The following SLC4A4 variants were observed in gnomAD, a reference collection of about 807,000 sequenced individuals.
The protein encoded by SLC4A4 is solute carrier family 4 member 4.
Under a neutral mutation model 111.5 loss-of-function variants are expected in SLC4A4, and 27 were observed. The ratio of observed to expected loss-of-function variants is 0.24; its 90% confidence interval spans 0.18 to 0.33. The LOEUF (loss-of-function observed/expected upper bound fraction) is 0.33, where lower values mean the gene tolerates loss of function less well. SLC4A4 is among the 10% of genes least tolerant of loss of function. The probability of loss-of-function intolerance (pLI) is 1.00; values close to 1 mark genes in which losing one functional copy is unlikely to be tolerated. For missense variants in SLC4A4, 909 were observed against 1,315.5 expected, an observed-to-expected ratio of 0.69 and a Z score of 4.78; for synonymous variants, 443 against 463.4, an observed-to-expected ratio of 0.96 and a Z score of 0.57.
intron 16 of SLC4A4, among the ~76,000 whole-genome samples, chr4:71,499,592 C>T (rs1163807765): frequency 2.0e-5 from 3 of 152,228 alleles, no homozygotes; most frequent in East Asian, 1.9e-4. Context: ...TCCCATTCCC[C>T]GCCTCCAGTA....
chr4:71,391,379 G>T (rs1719243599), intron 6 of SLC4A4, among the ~76,000 whole-genome samples: 1 of 152,046 alleles, frequency 6.6e-6, no homozygotes, highest in Non-Finnish European at 1.5e-5. Context: ...ATGTGTCATT[G>T]TATTACATTA....
At chr4:71,268,377 A>T (rs1256462828) in intron 3 of SLC4A4, among the ~76,000 whole-genome samples, 1 of 152,198 alleles carries the variant, frequency 6.6e-6, no homozygotes, top group Admixed American at 6.5e-5. Flanking sequence ...GACGAGGTCA[A>T]GAGGACACAA....
At chr4:71,365,349 G>A (rs904761017) in intron 6 of SLC4A4, among the ~76,000 whole-genome samples, 11 of 152,126 alleles carry the variant, frequency 7.2e-5, no homozygotes, top group Admixed American at 4.6e-4. Flanking sequence ...ATAGAGCCAC[G>A]CTTGCAAAGT....
intron 6 of SLC4A4, among the ~76,000 whole-genome samples, chr4:71,394,702 A>G (rs1719640740): frequency 6.6e-6 from 1 of 152,164 alleles, no homozygotes; most frequent in Non-Finnish European, 1.5e-5. Context: ...ACGAGTGGAT[A>G]AAGAAACTGT....
At chr4:71,162,013 A>G (rs1162229496) in intron 2 of SLC4A4, among the ~76,000 whole-genome samples, 2 of 152,220 alleles carry the variant, frequency 1.3e-5, no homozygotes, top group Non-Finnish European at 2.9e-5. Flanking sequence ...AATGAGTTTA[A>G]TAATGAAGAC....
At chr4:71,082,338 C>T (rs1300855231) in intron 1 of SLC4A4, among the ~76,000 whole-genome samples, 1 of 92,564 alleles carries the variant, frequency 1.1e-5, no homozygotes, top group African/African-American at 4.0e-5. Flanking sequence ...AAATAACTGT[C>T]CCCCCCACCA....
intron 20 of SLC4A4, among the ~76,000 whole-genome samples, chr4:71,550,590 A>G (rs1334568900): frequency 6.6e-6 from 1 of 151,868 alleles, no homozygotes; most frequent in Non-Finnish European, 1.5e-5. Flanking sequence ...CCAGAGGACA[A>G]CTTAAGAGAA....
chr4:71,324,388 A>C (rs1365561623), intron 3 of SLC4A4, among the ~76,000 whole-genome samples: 1 of 152,016 alleles, frequency 6.6e-6, no homozygotes, highest in Non-Finnish European at 1.5e-5. Flanking sequence ...TAATATGCTT[A>C]ATATAATTAC....
intron 3 of SLC4A4, among the ~76,000 whole-genome samples, chr4:71,292,077 G>A (rs1724400719): frequency 6.6e-6 from 1 of 151,956 alleles, no homozygotes; most frequent in Non-Finnish European, 1.5e-5. Flanking sequence ...TAAAAAAAAA[G>A]AAGAGAAATT....
At chr4:71,122,050 A>T (rs989852346) in intron 2 of SLC4A4, among the ~76,000 whole-genome samples, 2 of 152,158 alleles carry the variant, frequency 1.3e-5, no homozygotes, top group African/African-American at 4.8e-5. Flanking sequence ...CGAACCCACC[A>T]GAAGGAATAA....
chr4:71,312,404 C>T (rs187973594), intron 3 of SLC4A4, among the ~76,000 whole-genome samples: 11 of 152,266 alleles, frequency 7.2e-5, no homozygotes, highest in African/African-American at 2.2e-4. Context: ...AAGAGGGACT[C>T]CTCCCTAACT....
At chr4:71,487,148 G>T in intron 15 of SLC4A4, 130 bp downstream of exon 15, 1 of 562,850 alleles carries the variant, frequency 1.8e-6, no homozygotes, top group South Asian at 2.4e-5. Context: ...AACAATTATT[G>T]ACAGTGGAGG....
chr4:71,223,943 G>A (rs557336263), intron 1 of SLC4A4, among the ~76,000 whole-genome samples: 116 of 151,980 alleles, frequency 7.6e-4, no homozygotes, highest in African/African-American at 2.6e-3. Flanking sequence ...TTAGGAGCCC[G>A]GATCTTCACT....
chr4:71,129,928 C>T (rs962128119), intron 2 of SLC4A4, among the ~76,000 whole-genome samples: 2 of 151,614 alleles, frequency 1.3e-5, no homozygotes, highest in Non-Finnish European at 2.9e-5. Flanking sequence ...AGGAGCTAAA[C>T]ATTGCGTACA....
intron 3 of SLC4A4, among the ~76,000 whole-genome samples, chr4:71,275,499 A>T (rs1341342141): frequency 6.6e-6 from 1 of 152,250 alleles, no homozygotes; most frequent in African/African-American, 2.4e-5. Flanking sequence ...GGTTAAACGT[A>T]GGATAGATTC....
At chr4:71,290,047 G>T (rs1346554353) in intron 3 of SLC4A4, among the ~76,000 whole-genome samples, 1 of 152,128 alleles carries the variant, frequency 6.6e-6, no homozygotes, top group Non-Finnish European at 1.5e-5. Flanking sequence ...AGTAACGAAG[G>T]TTTAGAGGAG....
chr4:71,300,612 G>T, intron 3 of SLC4A4: 1 of 304,250 alleles, frequency 3.3e-6, no homozygotes. Context: ...GTCTCTTCAT[G>T]AGCAGCTCTG....
intron 6 of SLC4A4, among the ~76,000 whole-genome samples, chr4:71,375,122 C>T (rs757855621): frequency 3.2e-4 from 48 of 152,146 alleles, no homozygotes; most frequent in South Asian, 1.9e-3. Flanking sequence ...TAGTCTGATC[C>T]AGTAGCTTGT....
chr4:71,131,612 G>C (rs1049452831), intron 2 of SLC4A4, among the ~76,000 whole-genome samples: 20 of 152,230 alleles, frequency 1.3e-4, no homozygotes, highest in African/African-American at 4.6e-4. Flanking sequence ...CTGCACTTTA[G>C]AGAATGAAAA....
Sources: allele counts gnomAD v4.1 joint callset (sites outside exome capture counted in the v4.1 genomes callset), GRCh38; gene constraint gnomAD v4.1.1; transcripts MANE v1.5; gene names NCBI Gene and HGNC (gene_info 2026-07-23, HGNC 2026-07-21).